Variants in PIEZO2 observed in about 807,000 individuals in gnomAD.
PIEZO2 encodes piezo-type mechanosensitive ion channel component 2.
PIEZO2 carries 172 observed loss-of-function variants against 337.3 expected under a neutral mutation model. That is an observed-to-expected ratio of 0.51 (90% CI 0.45 to 0.58). The LOEUF is 0.58. Among genes scored for constraint, PIEZO2 ranks in the 20% least tolerant of loss-of-function variants. The pLI is 0.00. For synonymous variants in PIEZO2, 1,251 were observed against 1,228.5 expected, an observed-to-expected ratio of 1.02 and a Z score of -0.38; for missense variants, 3,028 against 3,391.3, an observed-to-expected ratio of 0.89 and a Z score of 2.66.
chr18:11,148,507 A>G lies in PIEZO2; in HGVS notation c.64+18T>C, dbSNP rs1353426363. The G allele has an allele frequency of 2.6e-6, 4 of 1,537,052 alleles. No homozygotes were observed. The South Asian group carries it at 4.8e-5, about 18-fold the overall frequency. On this transcript the variant is annotated intron_variant, in intron 1 of 55. Transcript: ENST00000674853. The surrounding 1 kb of genome is among the most constrained non-coding windows in gnomAD (Gnocchi z 5.2). ...CCTCGTCCTCCTCAAGTGCCCTCGG[A>G]AAGCGGACCAGACTCACCTACTGCC...
At position 10,871,361 on chromosome 18, in the gene PIEZO2, C is replaced by T. The variant is rs1186518862; in HGVS notation, c.384G>A (p.Gly128=). The T allele has an allele frequency of 1.3e-6, 2 of 1,537,224 alleles. No homozygotes were observed. The highest frequency in any genetic ancestry group is 2.7e-5 in the African/African-American group (2 of 73,008). Residue 128 remains glycine, a synonymous_variant, in exon 5 of 56, where the codon GGG becomes GGA. Coordinates refer to ENST00000674853, the MANE Select transcript of PIEZO2 (RefSeq NM_001378183.1). ...AGATGGTCAGACTAGCAATGAACAT[C>T]CCGATGTCAGGTACAAACACTCTGA... ...NGIRVFVPDI[G]MFIASLTIWL... is the part of the protein sequence containing the mutation.
intron 2 of PIEZO2, among the ~76,000 whole-genome samples, chr18:11,051,748 G>A (rs2037545088): frequency 6.6e-6 from 1 of 152,222 alleles, no homozygotes; most frequent in Non-Finnish European, 1.5e-5. Flanking sequence ...ATTATTGTGA[G>A]TAAATGGAAG....
chr18:11,041,092 T>C lies in PIEZO2; in HGVS notation c.160+25035A>G, dbSNP rs180980811. Among the ~76,000 whole-genome samples the C allele has an allele frequency of 8.5e-5, 13 of 152,228 alleles. No individual in the cohort carries two copies. The East Asian group carries it at 2.5e-3, about 29-fold the overall frequency. ...TAGGGCATCCTCTGAAAACGGACAGTCCAAGGCAGGTGGGAGAAAAGACGA... is the reference window on the plus strand; with the variant it reads ...TAGGGCATCCTCTGAAAACGGACAGCCCAAGGCAGGTGGGAGAAAAGACGA... On this transcript the variant is annotated intron_variant, in intron 2 of 55. Coordinates refer to ENST00000674853, the MANE Select transcript of PIEZO2 (RefSeq NM_001378183.1).
rs1435925849 is a variant in PIEZO2 at position 11,111,769 on chromosome 18, C to G, written c.64+36756G>C. Among the ~76,000 whole-genome samples, 1 of 152,226 alleles carries G rather than the reference C, an allele frequency of 6.6e-6. No homozygotes were observed. The highest frequency in any genetic ancestry group is 1.5e-5 in the Non-Finnish European group (1 of 68,046). On this transcript the variant is annotated intron_variant, in intron 1 of 55. Coordinates refer to ENST00000674853, the MANE Select transcript of PIEZO2 (RefSeq NM_001378183.1). The surrounding 1 kb of genome is among the most constrained non-coding windows in gnomAD (Gnocchi z 6.2). ...CACCAGTCTGCACCGAAAGCGTGCA[C>G]AGTAGAAACCTGGCTCCTTCCAGGA...
Position 10,689,780 on chromosome 18 carries a change from T to G in PIEZO2, c.7372A>C (p.Thr2458Pro). The change falls in exon 49 of 56, where the codon ACT becomes CCT. Residue 2458 changes from threonine to proline, a missense_variant. Physicochemically the swap from Thr to Pro is conservative, Grantham distance 38. This residue lies in a region of PIEZO2 where 179 missense variants were observed against 281.8 expected (regional missense o/e 0.64). Transcript: ENST00000674853. ...CAGTCCATCACTGCCCTCAGCTCAG[T>G]CAAAAAGGGCACGAGGCGAAACCTG... ...FQGFRLVPFL[T>P]ELRAVMDWVW... The G allele has an allele frequency of 6.2e-7, 1 of 1,611,018 alleles. No individual in the cohort carries two copies. The highest frequency in any genetic ancestry group is 8.5e-7 in the Non-Finnish European group (1 of 1,178,646).
chr18:10,981,428 A>G (rs1471628214), intron 2 of PIEZO2, among the ~76,000 whole-genome samples: 1 of 152,208 alleles, frequency 6.6e-6, no homozygotes, highest in East Asian at 1.9e-4. Context: ...CACTTAAGAA[A>G]TCAATTAATG....
chr18:10,780,871 T>A (rs1378528671), intron 17 of PIEZO2, among the ~76,000 whole-genome samples: 1 of 151,700 alleles, frequency 6.6e-6, no homozygotes, highest in African/African-American at 2.4e-5. Flanking sequence ...CTATGTTGGC[T>A]TAGTTGGTCT....
In PIEZO2 at chr18:10,763,109, A is replaced by G; in HGVS notation, c.2947-11T>C. ...GTTGAACAGAGACACCTGAAAACGT[A>G]AAACCAGAAATGGGGACAAAAATAC... On this transcript the variant is annotated splice_polypyrimidine_tract_variant and intron_variant, in intron 21 of 55. Coordinates refer to ENST00000674853, the MANE Select transcript of PIEZO2 (RefSeq NM_001378183.1). The G allele has an allele frequency of 6.5e-7, 1 of 1,535,586 alleles. No individual in the cohort carries two copies. The highest frequency in any genetic ancestry group is 1.7e-4 in the Middle Eastern group (1 of 5,980).
intron 3 of PIEZO2, among the ~76,000 whole-genome samples, chr18:10,939,870 C>T (rs748505958): frequency 4.6e-5 from 7 of 151,958 alleles, no homozygotes; most frequent in Non-Finnish European, 1.0e-4. Flanking sequence ...ACCACCACGG[C>T]ATATGTATAC....
chr18:11,042,862 C>T (rs1028870427), intron 2 of PIEZO2, among the ~76,000 whole-genome samples: 9 of 152,128 alleles, frequency 5.9e-5, no homozygotes, highest in African/African-American at 2.2e-4. Flanking sequence ...TGCTAATCAA[C>T]CTTCCAAGTT....
intron 23 of PIEZO2, among the ~76,000 whole-genome samples, chr18:10,761,656 G>A (rs374477545): frequency 2.8e-4 from 43 of 152,334 alleles, no homozygotes; most frequent in Non-Finnish European, 4.7e-4. Flanking sequence ...ATAGGTTCCA[G>A]ACACAATTCG....
chr18:10,938,070 G>T (rs1037504430), intron 3 of PIEZO2, among the ~76,000 whole-genome samples: 4 of 152,118 alleles, frequency 2.6e-5, no homozygotes, highest in African/African-American at 9.7e-5. Flanking sequence ...ATCTGAAATG[G>T]CATGTAAAGA....
rs569043759 is a variant in PIEZO2 at position 10,943,077 on chromosome 18, T to G, written c.287-31849A>C. On this transcript the variant is annotated intron_variant, in intron 3 of 55. Coordinates refer to ENST00000674853, the MANE Select transcript of PIEZO2 (RefSeq NM_001378183.1). The surrounding 1 kb of genome is among the most constrained non-coding windows in gnomAD (Gnocchi z 4.5). Reference sequence around the variant, plus strand: ...ATTTCAGAAGATACATGGAAACCCCTGGATAACCAGGCAGAAGTTTGCTGT... The same window carrying G: ...ATTTCAGAAGATACATGGAAACCCCGGGATAACCAGGCAGAAGTTTGCTGT... Among the ~76,000 whole-genome samples, 14 of 152,302 alleles carry G rather than the reference T, an allele frequency of 9.2e-5. No individual in the cohort carries two copies. The South Asian group carries it at 1.5e-3, about 16-fold the overall frequency.
chr18:10,779,943 G>A (rs1172432102), intron 18 of PIEZO2, among the ~76,000 whole-genome samples: 1 of 152,180 alleles, frequency 6.6e-6, no homozygotes, highest in African/African-American at 2.4e-5. Context: ...ACTCTTAGCA[G>A]GAATGTTGGC....
Position 10,815,714 on chromosome 18 carries a change from A to C in PIEZO2, c.918-8440T>G, listed in dbSNP as rs1478115400. 6.6e-6 allele frequency among the ~76,000 whole-genome samples: 1 copy of C among 152,210 alleles called. No homozygotes were observed. Among genetic ancestry groups the C allele is most frequent in the African/African-American group, 2.4e-5 (1 of 41,454 alleles). ...GGGAGTGCTCTCACTCAGGAACAAG[A>C]GAAGAAGGAGAACAGTCTTCTGATG... On this transcript the variant is annotated intron_variant, in intron 7 of 55. Coordinates refer to ENST00000674853, the MANE Select transcript of PIEZO2 (RefSeq NM_001378183.1). This position sits in a 1 kb window ranked among gnomAD's most constrained non-coding sequence, Gnocchi z 4.1.
intron 2 of PIEZO2, among the ~76,000 whole-genome samples, chr18:11,062,396 A>T (rs1003279700): frequency 2.0e-5 from 3 of 152,360 alleles, no homozygotes; most frequent in African/African-American, 7.2e-5. Context: ...AACAAAAGCC[A>T]AAATTGACAA....
Position 10,701,101 on chromosome 18 carries a change from G to A in PIEZO2, c.6441+888C>T, listed in dbSNP as rs191371600. 9.7e-4 allele frequency among the ~76,000 whole-genome samples: 147 copies of A among 152,328 alleles called. 1 individual carries two copies. The highest frequency in any genetic ancestry group is 3.5e-4 in the Non-Finnish European group (24 of 68,022). On this transcript the variant is annotated intron_variant, in intron 43 of 55. Transcript: ENST00000674853. Reference sequence around the variant, plus strand: ...TATGTATTAACTTATGCCAAGCCTGGTTCTAAAAAGGATTCTAGGGACTAA... The same window carrying A: ...TATGTATTAACTTATGCCAAGCCTGATTCTAAAAAGGATTCTAGGGACTAA...
intron 24 of PIEZO2, 117 bp downstream of exon 24, chr18:10,760,794 G>A (rs2038094346): frequency 1.2e-6 from 1 of 838,514 alleles, no homozygotes; most frequent in Non-Finnish European, 1.8e-6. Flanking sequence ...TTCTTCTCAA[G>A]GGGACAGCTA....
At chr18:10,738,700 T>C (rs2037107986) in intron 33 of PIEZO2, 1 of 152,198 alleles carries the variant, frequency 6.6e-6, no homozygotes, top group Non-Finnish European at 1.5e-5. Context: ...AAGTTGGAAA[T>C]TAACTTTTTA....
Sources: allele counts gnomAD v4.1 joint callset (sites outside exome capture counted in the v4.1 genomes callset), GRCh38; gene constraint gnomAD v4.1.1; regional missense constraint gnomAD v4.1.1; non-coding constraint Gnocchi (gnomAD v3.1); transcripts MANE v1.5; gene names NCBI Gene and HGNC (gene_info 2026-07-23, HGNC 2026-07-21).